Variants in PCLO observed in about 807,000 individuals in gnomAD.
PCLO encodes protein piccolo.
Under a neutral mutation model 427.5 loss-of-function variants are expected in PCLO, and 82 were observed. The ratio of observed to expected loss-of-function variants is 0.19; its 90% confidence interval spans 0.16 to 0.23. The LOEUF (loss-of-function observed/expected upper bound fraction) is 0.23, where lower values mean the gene tolerates loss of function less well. Ranked by LOEUF, PCLO falls within the 10% of genes least tolerant of loss-of-function variation. The pLI is 1.00. For missense variants in PCLO, 6,239 were observed against 6,115.9 expected (o/e 1.02, Z -0.67); for synonymous variants, 2,357 against 2,155.4 (o/e 1.09, Z -2.59).
At chr7:82,999,390 A>G (rs1005951850) in intron 3 of PCLO, among the ~76,000 whole-genome samples, 8 of 99,320 alleles carry the variant, frequency 8.1e-5, no homozygotes, top group African/African-American at 3.1e-4. Context: ...TTATTCCATT[A>G]TATAATATAT....
At chr7:83,097,525 A>T (rs908402302) in intron 3 of PCLO, among the ~76,000 whole-genome samples, 2 of 145,500 alleles carry the variant, frequency 1.4e-5, no homozygotes, top group Non-Finnish European at 3.0e-5. Context: ...CAGTCTCAAA[A>T]ATATATATAT....
At chr7:83,093,492 A>ATATATATTTTTTTTTT in intron 3 of PCLO, among the ~76,000 whole-genome samples, 6 of 59,308 alleles carry the variant, frequency 1.0e-4, no homozygotes, top group African/African-American at 3.2e-4. Flanking sequence ...ATATATATAT[A>ATATATATTTTTTTTTT]TTTTTTTTTT....
rs1172728734 is a variant in PCLO at position 82,986,376 on chromosome 7, AT to A, written c.3301-19890del. ...ATGCTCTTTTAATGAACAAAATAGG[AT>A]TTTTTTGTAAGTCCAAATACGCTTG... On this transcript the variant is annotated intron_variant, in intron 3 of 24. Transcript: ENST00000333891. 5.3e-5 allele frequency among the ~76,000 whole-genome samples: 8 copies of A among 152,008 alleles called. No homozygotes were observed. The East Asian group carries it at 1.5e-3, about 29-fold the overall frequency.
In PCLO at chr7:82,947,552, T is replaced by G. The variant is rs527652278; in HGVS notation, c.11112+1924A>C. Among the ~76,000 whole-genome samples, 4 of 152,246 alleles carry G rather than the reference T, an allele frequency of 2.6e-5. No individual in the cohort carries two copies. The East Asian group carries it at 5.8e-4, about 22-fold the overall frequency. On this transcript the variant is annotated intron_variant, in intron 6 of 24. Coordinates refer to ENST00000333891, the MANE Select transcript of PCLO (RefSeq NM_033026.6). ...CATCTTAGACTCATAGTCTCTAGAG[T>G]GTTAACAACACTGCCTGTGTATAAA...
At chr7:82,873,531 G>A (rs1051790243) in intron 10 of PCLO, among the ~76,000 whole-genome samples, 1 of 152,042 alleles carries the variant, frequency 6.6e-6, no homozygotes, top group Admixed American at 6.6e-5. Context: ...GCAGAAATTC[G>A]ACTATTGAGT....
At chr7:82,913,591 C>T (rs181149314) in intron 7 of PCLO, among the ~76,000 whole-genome samples, 37 of 152,120 alleles carry the variant, frequency 2.4e-4, no homozygotes, top group Non-Finnish European at 4.9e-4. Context: ...CATGAATCCT[C>T]TTGGTATGGG....
Position 83,090,175 on chromosome 7 carries a change from G to A in PCLO, c.3300+44075C>T, listed in dbSNP as rs546181076. Among the ~76,000 whole-genome samples the A allele has an allele frequency of 4.6e-5, 7 of 152,130 alleles. No individual in the cohort carries two copies. The East Asian group carries it at 7.8e-4, about 17-fold the overall frequency. On this transcript the variant is annotated intron_variant, in intron 3 of 24. Transcript: ENST00000333891. The stretch of plus-strand genomic sequence containing the variant: ...AAATTAGCTGGGCGTGGTGGTGCAC[G>A]CCTGTAGTCCCAGCTACTAGGGAAG...
chr7:82,904,696 A>T (rs1306487845), intron 8 of PCLO, among the ~76,000 whole-genome samples: 1 of 152,034 alleles, frequency 6.6e-6, no homozygotes, highest in Non-Finnish European at 1.5e-5. Context: ...CAGTGCATCT[A>T]TCACACAGTT....
At chr7:82,896,871 T>C (rs1793916670) in intron 9 of PCLO, among the ~76,000 whole-genome samples, 1 of 151,710 alleles carries the variant, frequency 6.6e-6, no homozygotes, top group Admixed American at 6.6e-5. Context: ...TCTTCACTAT[T>C]ATAATTGCTA....
chr7:83,128,210 C>G (rs1284773565), intron 3 of PCLO, among the ~76,000 whole-genome samples: 1 of 151,144 alleles, frequency 6.6e-6, no homozygotes, highest in African/African-American at 2.4e-5. Flanking sequence ...AGCCCAAGAC[C>G]GGGGATGTAA....
At chr7:83,077,040 C>T (rs1789973725) in intron 3 of PCLO, among the ~76,000 whole-genome samples, 1 of 148,308 alleles carries the variant, frequency 6.7e-6, no homozygotes, top group Non-Finnish European at 1.5e-5. Context: ...ATATATTTTG[C>T]ATATAGCATC....
chr7:83,033,902 T>C (rs1788730701), intron 3 of PCLO, among the ~76,000 whole-genome samples: 1 of 152,212 alleles, frequency 6.6e-6, no homozygotes, highest in Non-Finnish European at 1.5e-5. Context: ...CTCCCTTTAT[T>C]TGAAGTCATT....
intron 9 of PCLO, among the ~76,000 whole-genome samples, chr7:82,880,949 G>A (rs979898458): frequency 1.3e-5 from 2 of 152,154 alleles, no homozygotes; most frequent in Admixed American, 1.3e-4. Flanking sequence ...CAATACTTTA[G>A]ACACATATTT....
chr7:83,064,658 CA>C (rs1476164832), intron 3 of PCLO, among the ~76,000 whole-genome samples: 3 of 151,850 alleles, frequency 2.0e-5, no homozygotes, highest in Non-Finnish European at 2.9e-5. Context: ...AGGATGGGGA[CA>C]AAAGTTAGAA....
chr7:83,085,837 A>G (rs1365697671), intron 3 of PCLO, among the ~76,000 whole-genome samples: 1 of 152,174 alleles, frequency 6.6e-6, no homozygotes, highest in Non-Finnish European at 1.5e-5. Context: ...TGGCCCAGAT[A>G]AAATTTTCAT....
chr7:82,868,116 C>T (rs1045101139), intron 10 of PCLO: 1 of 456,382 alleles, frequency 2.2e-6, no homozygotes, highest in Admixed American at 2.4e-5. Flanking sequence ...CCTGGTAATC[C>T]CCCTGGAACA....
chr7:83,085,375 T>C (rs1490686412), intron 3 of PCLO, among the ~76,000 whole-genome samples: 1 of 152,146 alleles, frequency 6.6e-6, no homozygotes, highest in Non-Finnish European at 1.5e-5. Flanking sequence ...CGAAGTTAAT[T>C]TTACAGATGA....
chr7:83,130,466 T>C (rs923595733), intron 3 of PCLO, among the ~76,000 whole-genome samples: 3 of 152,204 alleles, frequency 2.0e-5, no homozygotes, highest in Non-Finnish European at 4.4e-5. Context: ...CATGAGCCAC[T>C]GTGCTGACCA....
intron 3 of PCLO, among the ~76,000 whole-genome samples, chr7:83,052,664 C>T (rs939258736): frequency 1.3e-5 from 2 of 151,990 alleles, no homozygotes; most frequent in Non-Finnish European, 2.9e-5. Flanking sequence ...TACTCCTCTG[C>T]TTTCACACTT....
Sources: gnomAD v4.1 joint callset for allele counts (sites outside exome capture counted in the v4.1 genomes callset) on GRCh38, gnomAD v4.1.1 for gene constraint, MANE v1.5 for transcripts, NCBI Gene and HGNC (gene_info 2026-07-23, HGNC 2026-07-21) for gene names.